PCBP2: variants seen among roughly 807,000 people sequenced by gnomAD.
PCBP2 encodes poly(rC) binding protein 2.
Under a neutral mutation model 50.1 loss-of-function variants are expected in PCBP2, and 4 were observed. The observed-to-expected ratio is 0.08, with a 90% confidence interval of 0.04 to 0.18. PCBP2 has a LOEUF of 0.18. PCBP2 is among the 10% of genes least tolerant of loss of function. PCBP2 has a pLI of 1.00. For synonymous variants in PCBP2, 179 were observed against 168.0 expected, an observed-to-expected ratio of 1.07 and a Z score of -0.51; for missense variants, 161 against 474.3, an observed-to-expected ratio of 0.34 and a Z score of 6.14.
At chr12:53,464,634 T>C (rs947295508) in intron 8 of PCBP2, 126 bp from the exon 9 acceptor site, 1 of 1,320,084 alleles carries the variant, frequency 7.6e-7, no homozygotes, top group East Asian at 2.7e-5. Context: ...CGTTTCAAAT[T>C]GTGTCTGAGC....
In PCBP2 at chr12:53,454,515, T is replaced by C. The variant is rs1940842735; in HGVS notation, c.-75-211T>C. The C allele has an allele frequency of 6.0e-5, 22 of 365,026 alleles. No individual in the cohort carries two copies. In the South Asian group the frequency reaches 6.8e-4, roughly 11 times the overall value. 22.6% of individuals were successfully genotyped at this position (365,026 alleles called of 1,614,324 possible). On this transcript the variant is annotated intron_variant, in intron 1 of 14. Transcript: ENST00000546463. ...GAGTCAGCGGAAACCCTGTCATTAA[T>C]GAGAGGAACTGGAAAGTTGCCTTCT... is the stretch of plus-strand genomic sequence containing the variant.
intron 10 of PCBP2, among the ~76,000 whole-genome samples, chr12:53,466,814 C>G (rs988485602): frequency 1.3e-5 from 2 of 152,190 alleles, no homozygotes; most frequent in East Asian, 3.9e-4. Context: ...TTCCCTCTCC[C>G]CAATACTGAT....
At chr12:53,476,927 G>C (rs142356598) in intron 14 of PCBP2, among the ~76,000 whole-genome samples, 6 of 152,256 alleles carry the variant, frequency 3.9e-5, no homozygotes, top group Admixed American at 3.9e-4. Context: ...TCTAGTTCTT[G>C]ATTGGAAGGC....
intron 11 of PCBP2, chr12:53,467,553 G>A (rs1376545537): frequency 1.6e-6 from 1 of 614,838 alleles, no homozygotes; most frequent in East Asian, 2.7e-5. Context: ...TCAGGCAAAG[G>A]GTAGGCTGAT....
chr12:53,452,585 C>A (rs927159975), intron 1 of PCBP2, among the ~76,000 whole-genome samples: 1 of 151,684 alleles, frequency 6.6e-6, no homozygotes. Flanking sequence ...CTATTCCCCC[C>A]TCCCCCCGCC....
At chr12:53,465,674 T>TA (rs879464745) in intron 9 of PCBP2, among the ~76,000 whole-genome samples, 7 of 152,230 alleles carry the variant, frequency 4.6e-5, no homozygotes, top group Admixed American at 2.0e-4. Context: ...AAGAAACAGT[T>TA]ATGTATATTT....
chr12:53,453,212 T>TG (rs1565853580), intron 1 of PCBP2: 2 of 151,764 alleles, frequency 1.3e-5, no homozygotes, highest in African/African-American at 4.9e-5. Context: ...GTTTTGTTTT[T>TG]TTTTTTTTTG....
intron 2 of PCBP2, among the ~76,000 whole-genome samples, chr12:53,455,097 A>G (rs971663451): frequency 6.6e-6 from 1 of 152,140 alleles, no homozygotes; most frequent in Non-Finnish European, 1.5e-5. Context: ...AACTCTCCAT[A>G]CCTGGATGGT....
At position 53,475,277 on chromosome 12, in the gene PCBP2, A is replaced by G. The variant is rs1942500520; in HGVS notation, c.1052+3470A>G. 3 of 408,772 alleles carry G rather than the reference A, an allele frequency of 7.3e-6. No homozygotes were observed. The Admixed American group carries it at 7.8e-5, about 11-fold the overall frequency. 25.3% of individuals were successfully genotyped at this position (408,772 alleles called of 1,614,324 possible). A position where few individuals can be genotyped will look rare whatever the true frequency, so the allele number is the denominator to read the frequency against. Reference sequence around the variant, plus strand: ...TTGTTCATTTTGTTTTCCTTTGTTAACATTGGTGAGAATGAAACTATTGTG... The same window carrying G: ...TTGTTCATTTTGTTTTCCTTTGTTAGCATTGGTGAGAATGAAACTATTGTG... On this transcript the variant is annotated intron_variant, in intron 14 of 14. Transcript: ENST00000546463.
At chr12:53,462,210 A>G (rs1440976654) in intron 7 of PCBP2, among the ~76,000 whole-genome samples, 1 of 152,262 alleles carries the variant, frequency 6.6e-6, no homozygotes, top group Non-Finnish European at 1.5e-5. Context: ...TTTCATGTCC[A>G]TTAAATTTAT....
intron 11 of PCBP2, 48 bp downstream of exon 11, chr12:53,467,341 A>G (rs764551955): frequency 7.0e-7 from 1 of 1,424,304 alleles, no homozygotes; most frequent in Admixed American, 1.7e-5. Flanking sequence ...TGCAAGAGAG[A>G]GGCCAGTCCC....
intron 12 of PCBP2, 183 bp downstream of exon 12, chr12:53,468,026 C>T (rs1941937744): frequency 5.0e-6 from 3 of 594,864 alleles, no homozygotes; most frequent in Non-Finnish European, 8.9e-6. Context: ...CAACCCCCTT[C>T]TAAAAATGAT....
chr12:53,453,801 CTAGT>C (rs527729384), intron 1 of PCBP2, among the ~76,000 whole-genome samples: 29 of 152,282 alleles, frequency 1.9e-4, no homozygotes, highest in Admixed American at 2.6e-4. Flanking sequence ...CTACACATAA[CTAGT>C]TACTCTAAAG....
intron 14 of PCBP2, among the ~76,000 whole-genome samples, chr12:53,476,874 C>G (rs1942618342): frequency 1.3e-5 from 2 of 152,150 alleles, no homozygotes; most frequent in Non-Finnish European, 2.9e-5. Flanking sequence ...GTAGTTAGGA[C>G]TTAATCATGC....
At chr12:53,465,744 T>A (rs563718570) in intron 9 of PCBP2, among the ~76,000 whole-genome samples, 188 bp from the exon 10 acceptor site, 1 of 152,310 alleles carries the variant, frequency 6.6e-6, no homozygotes, top group East Asian at 1.9e-4. Flanking sequence ...AAAGTCATAT[T>A]TAGGGTTCAA....
At chr12:53,461,271 G>A (rs1941426083) in intron 7 of PCBP2, 128 bp downstream of exon 7, 12 of 964,562 alleles carry the variant, frequency 1.2e-5, no homozygotes, top group Non-Finnish European at 1.7e-5. Context: ...GGGCTAAAAG[G>A]TTCCCTGAGT....
rs879244280 is a variant in PCBP2, at chr12:53,479,671, G to GTTTTTTTTTTTTTTTTTGGTT, written c.*241_*242insTTTTTGGTTTTTTTTTTTTTT. 9.7e-6 allele frequency: 2 copies of GTTTTTTTTTTTTTTTTTGGTT among 206,770 alleles called. No individual in the cohort carries two copies. The highest frequency in any genetic ancestry group is 9.2e-6 in the Non-Finnish European group (1 of 108,882). The allele number at this position is 206,770 out of a possible 1,614,324, so 12.8% of individuals were successfully genotyped here. A position where few individuals can be genotyped will look rare whatever the true frequency, so the allele number is the denominator to read the frequency against. ...ATTTAGTTTTATAAGCTTCTCCCTG[G>GTTTTTTTTTTTTTTTTTGGTT]TTTTTTTTTTTTGGCTCATGAATTT... On this transcript the variant is annotated 3_prime_UTR_variant, in exon 15 of 15. Transcript: ENST00000546463.
At chr12:53,471,385 C>T (rs755826968) in intron 13 of PCBP2, among the ~76,000 whole-genome samples, 158 of 151,904 alleles carry the variant, frequency 1.0e-3, no homozygotes, top group Non-Finnish European at 1.8e-3. Flanking sequence ...TGAGACCATC[C>T]TGGCCAACAT....
rs150111426 is a variant in PCBP2 at position 53,474,213 on chromosome 12, A to T, written c.1052+2406A>T. Reference sequence around the variant, plus strand: ...TGATCAGTCAGAAACAACTTTTTATACCACCTCCCACCAGAAAAGCTTCCC... The same window carrying T: ...TGATCAGTCAGAAACAACTTTTTATTCCACCTCCCACCAGAAAAGCTTCCC... On this transcript the variant is annotated intron_variant, in intron 14 of 14. Transcript: ENST00000546463. Among the ~76,000 whole-genome samples, 618 of 152,276 alleles carry T rather than the reference A, an allele frequency of 4.1e-3. 3 individuals are homozygous for T. The highest frequency in any genetic ancestry group is 0.012 in the African/African-American group (494 of 41,546).
Sources: gnomAD v4.1 joint callset for allele counts (sites outside exome capture counted in the v4.1 genomes callset) on GRCh38, gnomAD v4.1.1 for gene constraint, MANE v1.5 for transcripts, NCBI Gene and HGNC (gene_info 2026-07-23, HGNC 2026-07-21) for gene names.